Variants in SHC1 observed in about 807,000 individuals in gnomAD.
The protein encoded by SHC1 is SHC-transforming protein 1.
A neutral mutation model predicts 55.9 loss-of-function variants in SHC1; 30 were observed. The observed-to-expected ratio is 0.54, with a 90% CI of 0.40 to 0.73. The LOEUF is 0.73. Among genes scored for constraint, SHC1 ranks in the 30% least tolerant of loss-of-function variants. SHC1 has a pLI of 0.00. For synonymous variants in SHC1, 309 were observed against 306.1 expected, an observed-to-expected ratio of 1.01 and a Z score of -0.10; for missense variants, 675 against 777.1, an observed-to-expected ratio of 0.87 and a Z score of 1.56.
chr1:154,968,436 T>C (rs1456837989), intron 4 of SHC1, 59 bp downstream of exon 4: 1 of 1,610,906 alleles, frequency 6.2e-7, no homozygotes, highest in Admixed American at 1.7e-5. Context: ...GCCTCCTAAC[T>C]AGATCTCCCC....
At position 154,969,436 on chromosome 1, in the gene SHC1, C is replaced by T. The variant is rs1656452083; in HGVS notation, c.508G>A (p.Val170Met). 1 of 1,611,804 alleles carries T rather than the reference C, an allele frequency of 6.2e-7. No individual in the cohort carries two copies. Among genetic ancestry groups the T allele is most frequent in the Non-Finnish European group, 8.5e-7 (1 of 1,178,550 alleles). Residue 170 changes from valine (V) to methionine (M), a missense_variant, in exon 2 of 12, where the codon GTG (valine) becomes ATG (methionine). Transcript: ENST00000448116. ...VSYLVRYMGC[V>M]EVLQSMRALD... is the part of the protein sequence containing the mutation. ...GCACGCATTGACTGGAGGACCTCCACACAACCCATGTACTAAGGGGAGGGA... is the reference window on the plus strand; with the variant it reads ...GCACGCATTGACTGGAGGACCTCCATACAACCCATGTACTAAGGGGAGGGA...
intron 7 of SHC1, 65 bp from the exon 8 acceptor site, chr1:154,966,582 A>G: frequency 9.0e-7 from 1 of 1,116,354 alleles, no homozygotes; most frequent in South Asian, 1.6e-5. Flanking sequence ...GGAAGGACAG[A>G]ATAGAACAGC....
chr1:154,973,869 C>G (rs926437302), upstream of SHC1, among the ~76,000 whole-genome samples: 7 of 152,140 alleles, frequency 4.6e-5, no homozygotes, highest in Non-Finnish European at 8.8e-5. Flanking sequence ...GGAGCTTCAA[C>G]AAATTCGAAT....
upstream of SHC1, among the ~76,000 whole-genome samples, chr1:154,972,950 T>C (rs1656883956): frequency 2.6e-5 from 4 of 152,182 alleles, no homozygotes; most frequent in South Asian, 8.3e-4. Context: ...AAGAGCACTA[T>C]TATCTACCCC....
rs148304885 is a variant in SHC1 at position 154,968,801 on chromosome 1, C to A, written c.600G>T (p.Pro200=). Reference sequence around the variant, plus strand: ...TCCTCCTTGTCGCCCCCTTAGCACCCGGCACAGCCTCACACACCAGACTGA... The same window carrying A: ...TCCTCCTTGTCGCCCCCTTAGCACCAGGCACAGCCTCACACACCAGACTGA... ...EAISLVCEAV[P]GAKGATRRRK... is the part of the protein sequence containing the mutation. Residue 200 remains proline, a synonymous_variant, in exon 3 of 12, where the codon CCG becomes CCT. Coordinates refer to ENST00000448116, the MANE Select transcript of SHC1 (RefSeq NM_001130040.2). 1.8e-5 allele frequency: 29 copies of A among 1,614,046 alleles called. No individual in the cohort carries two copies. The highest frequency in any genetic ancestry group is 2.3e-5 in the Non-Finnish European group (27 of 1,179,960).
intron 2 of SHC1, 62 bp from the exon 3 acceptor site, chr1:154,968,896 T>C: frequency 6.8e-7 from 1 of 1,476,164 alleles, no homozygotes; most frequent in Non-Finnish European, 9.5e-7. Flanking sequence ...CAACTGGGGC[T>C]GCCACAGGGC....
Position 154,967,722 on chromosome 1 carries a change from C to T in SHC1, c.932G>A (p.Arg311His), listed in dbSNP as rs144717475. 39 of 1,613,874 alleles carry T rather than the reference C, an allele frequency of 2.4e-5. No individual in the cohort carries two copies. Among genetic ancestry groups the T allele is most frequent in the Non-Finnish European group, 3.3e-5 (39 of 1,179,986 alleles). The change falls in exon 7 of 12, where the codon CGC becomes CAC. Residue 311 changes from arginine (R) to histidine (H), a missense_variant. Transcript: ENST00000448116. ...TGGGTTCCTGAGGTATTGTTTGAAG[C>T]GCAACTCGAAGGCCTGGCCAATGGT... ...ISTIGQAFELRFKQYLRNPPK... is the reference protein window; with the variant it reads ...ISTIGQAFELHFKQYLRNPPK...
intron 11 of SHC1, chr1:154,964,185 C>T (rs1226933219): frequency 3.4e-6 from 2 of 596,824 alleles, no homozygotes; most frequent in African/African-American, 1.8e-5. Flanking sequence ...GAGCTATATA[C>T]CCCTTTCTTG....
upstream of SHC1, chr1:154,973,224 A>G (rs1303783576): frequency 6.6e-6 from 1 of 152,240 alleles, no homozygotes. Context: ...GAAAGAGGAA[A>G]ACGGGGACGG....
In SHC1 at chr1:154,968,845, A is replaced by C; in HGVS notation, c.567-11T>G. 1 of 1,613,288 alleles carries C rather than the reference A, an allele frequency of 6.2e-7. No homozygotes were observed. Among genetic ancestry groups the C allele is most frequent in the South Asian group, 1.1e-5 (1 of 91,054 alleles). ...AGACTGATGGCCTCCCTGGGGAAAG[A>C]GGGGTACTCAGACCCAGCGCCTGCC... On this transcript the variant is annotated splice_polypyrimidine_tract_variant and intron_variant, in intron 2 of 11. Coordinates refer to ENST00000448116, the MANE Select transcript of SHC1 (RefSeq NM_001130040.2).
rs1491285296 is a variant in SHC1, at chr1:154,970,479, C to CAAG, written c.47_48insCTT (p.Glu16delinsAspLeu). ...CCCCTTCCTCCAGCGATGACAGAGA[C>CAAG]TCATTCCGGAGTGGATTGTACTTGG... On this transcript the variant is annotated protein_altering_variant, in exon 1 of 12. Transcript: ENST00000448116. The surrounding 1 kb of genome is among the most constrained non-coding windows in gnomAD (Gnocchi z 5.5). 3.7e-6 allele frequency: 6 copies of CAAG among 1,612,064 alleles called. No homozygotes were observed. In the Admixed American group the frequency reaches 1.0e-4, roughly 27 times the overall value.
rs969137289 is a variant in SHC1, at chr1:154,966,239, G to T, written c.1183-8C>A. Reference sequence around the variant, plus strand: ...AACAGGCTGTCCTACAGGCTGCAGGGATAAAAATAAGGTGAGACCAGAAGC... The same window carrying T: ...AACAGGCTGTCCTACAGGCTGCAGGTATAAAAATAAGGTGAGACCAGAAGC... On this transcript the variant is annotated splice_region_variant and splice_polypyrimidine_tract_variant and intron_variant, in intron 8 of 11. Transcript: ENST00000448116. 2 of 1,613,786 alleles carry T rather than the reference G, an allele frequency of 1.2e-6. No homozygotes were observed. Among genetic ancestry groups the T allele is most frequent in the African/African-American group, 1.3e-5 (1 of 74,888 alleles).
At chr1:154,972,924 AAAATC>A (rs2102197575), upstream of SHC1, among the ~76,000 whole-genome samples, 1 of 152,230 alleles carries the variant, frequency 6.6e-6, no homozygotes, top group East Asian at 1.9e-4. Context: ...TAAAAAAAAA[AAAATC>A]AAACAACAAA....
At chr1:154,965,035 T>C (rs1227778103) in intron 11 of SHC1, among the ~76,000 whole-genome samples, 1 of 151,718 alleles carries the variant, frequency 6.6e-6, no homozygotes, top group Non-Finnish European at 1.5e-5. Flanking sequence ...CAGGACTGTA[T>C]TTGTTTTGTT....
rs1655452508 is a variant in SHC1 at position 154,962,558 on chromosome 1, C to G, written c.*1245G>C. 6.6e-6 allele frequency: 1 copy of G among 152,370 alleles called. No homozygotes were observed. The highest frequency in any genetic ancestry group is 1.5e-5 in the Non-Finnish European group (1 of 68,040). 9.4% of individuals were successfully genotyped at this position (152,370 alleles called of 1,614,324 possible). On this transcript the variant is annotated 3_prime_UTR_variant, in exon 12 of 12. Transcript: ENST00000448116. ...CAGGCATTCGGGCTGACTTCTGCCT[C>G]TCAGTCTCGCGGTAAGAGACCCAAG... is the stretch of plus-strand genomic sequence containing the variant.
upstream of SHC1, among the ~76,000 whole-genome samples, chr1:154,974,007 G>A (rs191912886): frequency 3.0e-3 from 461 of 152,202 alleles, 2 homozygotes; most frequent in African/African-American, 9.1e-3. Flanking sequence ...CTCGTAGTAG[G>A]GCTTGGAACG....
intron 6 of SHC1, 45 bp downstream of exon 6, chr1:154,967,935 T>A (rs1656219079): frequency 3.7e-6 from 6 of 1,610,174 alleles, no homozygotes; most frequent in South Asian, 3.3e-5. Flanking sequence ...CCTACTCACC[T>A]CCTCAAACAG....
At position 154,969,447 on chromosome 1, in the gene SHC1, TAC is replaced by T; in HGVS notation, c.496-1_496del. The T allele has an allele frequency of 6.2e-7, 1 of 1,609,572 alleles. No individual in the cohort carries two copies. Among genetic ancestry groups the T allele is most frequent in the Non-Finnish European group, 8.5e-7 (1 of 1,176,816 alleles). ...CTGGAGGACCTCCACACAACCCATG[TAC>T]TAAGGGGAGGGAGAAGAGGACAGCA... On this transcript the variant is annotated splice_acceptor_variant and coding_sequence_variant, in exon 2 of 12. Transcript: ENST00000448116. LOFTEE classifies it high-confidence loss of function.
chr1:154,969,709 C>T lies in SHC1; in HGVS notation c.496-261G>A, dbSNP rs375882685. ...ACAGGCATTGGCTGGGATGGAGTGA[C>T]AACTCCAGAAAGCGGGAGGAGAATG... On this transcript the variant is annotated intron_variant, in intron 1 of 11. Coordinates refer to ENST00000448116, the MANE Select transcript of SHC1 (RefSeq NM_001130040.2). 4.6e-5 allele frequency among the ~76,000 whole-genome samples: 7 copies of T among 151,338 alleles called. No homozygotes were observed. In the East Asian group the frequency reaches 1.4e-3, roughly 29 times the overall value.
Sources: allele counts gnomAD v4.1 joint callset (sites outside exome capture counted in the v4.1 genomes callset), GRCh38; gene constraint gnomAD v4.1.1; non-coding constraint Gnocchi (gnomAD v3.1); transcripts MANE v1.5; gene names NCBI Gene and HGNC (gene_info 2026-07-23, HGNC 2026-07-21).